Variants in TPO observed in about 807,000 individuals in gnomAD.
TPO encodes the protein thyroid peroxidase.
TPO carries 78 observed loss-of-function variants against 96.9 expected under a neutral mutation model. The ratio of observed to expected loss-of-function variants is 0.81; its 90% CI spans 0.67 to 0.97. The LOEUF (loss-of-function observed/expected upper bound fraction) is 0.97. Ranked by LOEUF, TPO falls within the 50% of genes least tolerant of loss-of-function variation. The probability of loss-of-function intolerance (pLI) is 0.00; values close to 1 mark genes in which losing one functional copy is unlikely to be tolerated. For missense variants in TPO, 1,252 were observed against 1,274.8 expected, an observed-to-expected ratio of 0.98 and a Z score of 0.27; for synonymous variants, 547 against 538.0, an observed-to-expected ratio of 1.02 and a Z score of -0.23.
At chr2:1,466,863 TG>T (rs1451326177) in intron 7 of TPO, among the ~76,000 whole-genome samples, 1 of 152,162 alleles carries the variant, frequency 6.6e-6, no homozygotes, top group African/African-American at 2.4e-5. Context: ...GTATTTTTTT[TG>T]TTGTTGTTTC....
In TPO at chr2:1,542,939, G is replaced by A. The variant is rs1680910884; in HGVS notation, c.*465G>A. 6.2e-5 allele frequency: 15 copies of A among 243,736 alleles called. No homozygotes were observed. In the South Asian group the frequency reaches 8.2e-4, roughly 13 times the overall value. The allele number at this position is 243,736 out of a possible 1,614,324, so 15.1% of individuals were successfully genotyped here. A position where few individuals can be genotyped will look rare whatever the true frequency, so the allele number is the denominator to read the frequency against. On this transcript the variant is annotated 3_prime_UTR_variant, in exon 17 of 17. Transcript: ENST00000329066. Reference sequence around the variant, plus strand: ...GGAAGAGCACTCCTGGCTTCCTGCAGGGCCGGTGGGAGGAGGAAAGTGATT... The same window carrying A: ...GGAAGAGCACTCCTGGCTTCCTGCAAGGCCGGTGGGAGGAGGAAAGTGATT...
chr2:1,464,042 C>T (rs1451743057), intron 7 of TPO, among the ~76,000 whole-genome samples: 1 of 152,174 alleles, frequency 6.6e-6, no homozygotes, highest in African/African-American at 2.4e-5. Flanking sequence ...TTATCTCTCA[C>T]TCCCTTCCCA....
chr2:1,502,686 G>A (rs1044593229), intron 13 of TPO, among the ~76,000 whole-genome samples: 14 of 152,138 alleles, frequency 9.2e-5, no homozygotes, highest in Non-Finnish European at 1.2e-4. Context: ...CACCGGACCC[G>A]ACTTCTTATA....
rs930290155 is a variant in TPO, at chr2:1,543,192, A to C, written c.*718A>C. ...GACTCAACAAGGCAGTCTCGGGGGC[A>C]CCGTTAGCCACGCGACCCTGTAAAG... On this transcript the variant is annotated 3_prime_UTR_variant, in exon 17 of 17. Transcript: ENST00000329066. 2 of 152,410 alleles carry C rather than the reference A, an allele frequency of 1.3e-5. No homozygotes were observed. Among genetic ancestry groups the C allele is most frequent in the African/African-American group, 2.4e-5 (1 of 41,350 alleles). 9.4% of individuals were successfully genotyped at this position (152,410 alleles called of 1,614,324 possible). A position where few individuals can be genotyped will look rare whatever the true frequency, so the allele number is the denominator to read the frequency against.
chr2:1,467,481 G>A (rs573054374), intron 7 of TPO, among the ~76,000 whole-genome samples: 1 of 152,252 alleles, frequency 6.6e-6, no homozygotes, highest in Admixed American at 6.5e-5. Flanking sequence ...TAATTTCCAT[G>A]TATTTGCATG....
In TPO at chr2:1,485,466, T is replaced by C. The variant is rs938049443; in HGVS notation, c.1597+612T>C. 6.0e-4 allele frequency among the ~76,000 whole-genome samples: 91 copies of C among 152,192 alleles called. 1 individual carries two copies. The highest frequency in any genetic ancestry group is 4.6e-4 in the Non-Finnish European group (31 of 68,038). On this transcript the variant is annotated intron_variant, in intron 9 of 16. Transcript: ENST00000329066. ...AAATGGTATTTCTAGTTCTAGATGC[T>C]TGAGGAATCGCCACACTGTCTTCCA...
chr2:1,495,766 G>A (rs940798781), intron 11 of TPO, among the ~76,000 whole-genome samples: 2 of 151,954 alleles, frequency 1.3e-5, no homozygotes, highest in African/African-American at 4.8e-5. Flanking sequence ...CAGGTCCTCA[G>A]TGCCTGCACC....
At chr2:1,438,877 T>G (rs1165195354) in intron 5 of TPO, 2 of 717,586 alleles carry the variant, frequency 2.8e-6, no homozygotes, top group Non-Finnish European at 5.2e-6. Context: ...ACTAGGAACC[T>G]TCCAGCAGGA....
At chr2:1,498,217 CA>C (rs1217259892) in intron 13 of TPO, among the ~76,000 whole-genome samples, 2 of 152,190 alleles carry the variant, frequency 1.3e-5, no homozygotes, top group Non-Finnish European at 2.9e-5. Flanking sequence ...GACCCTCAGT[CA>C]TAAAGGGAGA....
chr2:1,497,690 C>T (rs945037685), intron 13 of TPO, among the ~76,000 whole-genome samples: 3 of 152,124 alleles, frequency 2.0e-5, no homozygotes, highest in African/African-American at 7.2e-5. Flanking sequence ...AGAAGGCCAA[C>T]CAGCTGCCTT....
chr2:1,540,451 C>CTGAAG (rs1680603129), intron 15 of TPO, 143 bp from the exon 16 acceptor site: 3 of 1,573,672 alleles, frequency 1.9e-6, no homozygotes, highest in Admixed American at 3.4e-5. Context: ...ATCGACTTGA[C>CTGAAG]TGAAGTGTGA....
chr2:1,377,767 C>T (rs1661743292), intron 1 of TPO, among the ~76,000 whole-genome samples: 1 of 152,142 alleles, frequency 6.6e-6, no homozygotes, highest in East Asian at 1.9e-4. Flanking sequence ...CCCCTCTGTA[C>T]CTGGTGCTAT....
At chr2:1,441,298 G>A (rs184301462) in intron 5 of TPO, among the ~76,000 whole-genome samples, 131 of 152,314 alleles carry the variant, frequency 8.6e-4, no homozygotes, top group African/African-American at 2.8e-3. Context: ...GCTGCAGGAC[G>A]TACCATGTTG....
intron 10 of TPO, among the ~76,000 whole-genome samples, chr2:1,492,654 A>G (rs2124910097): frequency 1.3e-5 from 2 of 152,284 alleles, no homozygotes; most frequent in Middle Eastern, 6.8e-3. Flanking sequence ...AGACACCAAG[A>G]GGCCCAACCT....
At position 1,423,059 on chromosome 2, in the gene TPO, T is replaced by A. The variant is rs1394689813; in HGVS notation, c.109T>A (p.Ser37Thr). The change falls in exon 3 of 17, where the codon TCT becomes ACT. Residue 37 changes from serine to threonine, a missense_variant. Ser to Thr is a moderately conservative substitution (Grantham distance 58, BLOSUM62 1). Transcript: ENST00000329066. Reference sequence around the variant, plus strand: ...CTGTTCCGTAGGAAAGCCTGAGGAGTCTCGTGTCTCTAGCGTCTTGGAGGA... The same window carrying A: ...CTGTTCCGTAGGAAAGCCTGAGGAGACTCGTGTCTCTAGCGTCTTGGAGGA... ...KELLWGKPEE[S>T]RVSSVLEESK... 2 of 1,613,950 alleles carry A rather than the reference T, an allele frequency of 1.2e-6. No homozygotes were observed. The highest frequency in any genetic ancestry group is 1.7e-6 in the Non-Finnish European group (2 of 1,180,022).
At chr2:1,410,949 A>G (rs35743195), upstream of TPO, among the ~76,000 whole-genome samples, 7 of 151,982 alleles carry the variant, frequency 4.6e-5, no homozygotes, top group African/African-American at 7.3e-5. Context: ...CGTCTTCCCA[A>G]TGCTCCTTTC....
upstream of TPO, among the ~76,000 whole-genome samples, chr2:1,411,433 G>A (rs1054044433): frequency 2.6e-5 from 4 of 152,064 alleles, no homozygotes; most frequent in East Asian, 1.9e-4. Context: ...ATTTTCAAGC[G>A]TCCTTCTGTG....
intron 9 of TPO, among the ~76,000 whole-genome samples, chr2:1,485,651 G>A (rs1325478741): frequency 2.0e-5 from 3 of 151,674 alleles, no homozygotes; most frequent in African/African-American, 4.9e-5. Context: ...TTTCTCTGAT[G>A]GCCAGTGATG....
intron 5 of TPO, among the ~76,000 whole-genome samples, chr2:1,447,825 G>A (rs1037469276): frequency 3.3e-5 from 5 of 152,124 alleles, no homozygotes; most frequent in East Asian, 3.9e-4. Context: ...ATCATGAATC[G>A]AGTAGCCACA....
Sources: allele counts gnomAD v4.1 joint callset (sites outside exome capture counted in the v4.1 genomes callset), GRCh38; gene constraint gnomAD v4.1.1; transcripts MANE v1.5; gene names NCBI Gene and HGNC (gene_info 2026-07-23, HGNC 2026-07-21).